EPHB4: variants seen among roughly 807,000 people sequenced by gnomAD.
EPHB4 encodes ephrin type-B receptor 4.
Under a neutral mutation model 110.6 loss-of-function variants are expected in EPHB4, and 50 were observed. That is an observed-to-expected ratio of 0.45 (90% CI 0.36 to 0.57). The LOEUF (loss-of-function observed/expected upper bound fraction) is 0.57, where lower values mean the gene tolerates loss of function less well. Among genes scored for constraint, EPHB4 ranks in the 20% least tolerant of loss-of-function variants. EPHB4 has a pLI of 0.00. For synonymous variants in EPHB4, 592 were observed against 578.4 expected, an observed-to-expected ratio of 1.02 and a Z score of -0.34; for missense variants, 1,128 against 1,382.1, an observed-to-expected ratio of 0.82 and a Z score of 2.91.
Position 100,827,167 on chromosome 7 carries a change from G to T in EPHB4, c.-137C>A. 1 of 848,130 alleles carries T rather than the reference G, an allele frequency of 1.2e-6. No individual in the cohort carries two copies. Among genetic ancestry groups the T allele is most frequent in the Non-Finnish European group, 1.6e-6 (1 of 607,174 alleles). The allele number at this position is 848,130 out of a possible 1,614,324, so 52.5% of individuals were successfully genotyped here. On this transcript the variant is annotated 5_prime_UTR_variant, in exon 1 of 17. Transcript: ENST00000358173. Reference sequence around the variant, plus strand: ...CGGGGCCCTCAGCGCGGGCCCATGCGAGCGTGCGGGGCACCGGGCGGCGGC... The same window carrying T: ...CGGGGCCCTCAGCGCGGGCCCATGCTAGCGTGCGGGGCACCGGGCGGCGGC...
Position 100,812,841 on chromosome 7 carries a change from T to C in EPHB4, c.2024A>G (p.Asn675Ser), listed in dbSNP as rs148505212. Residue 675 changes from asparagine (N) to serine (S), a missense_variant, in exon 12 of 17, where the codon AAT becomes AGT. This residue lies in a region of EPHB4 where 191 missense variants were observed against 313.0 expected (regional missense o/e 0.61). Transcript: ENST00000358173. The stretch of plus-strand genomic sequence containing the variant: ...GACCACGCCCTCCAGGCGGATGATA[T>C]TGGGGTGCTCGAACTGGCCCATGAT... ...ASIMGQFEHP[N>S]IIRLEGVVTN... 8 of 1,614,120 alleles carry C rather than the reference T, an allele frequency of 5.0e-6. No homozygotes were observed. The African/African-American group carries it at 6.7e-5, about 13-fold the overall frequency.
chr7:100,814,056 G>C, intron 8 of EPHB4, 35 bp from the exon 9 acceptor site: 1 of 1,610,264 alleles, frequency 6.2e-7, no homozygotes, highest in Non-Finnish European at 8.5e-7. Flanking sequence ...AGGAGAAACT[G>C]ATGGTCCTGT....
Position 100,822,326 on chromosome 7 carries a change from C to A in EPHB4, c.753G>T (p.Thr251=). The change falls in exon 4 of 17, where the codon ACG becomes ACT. Residue 251 remains threonine (T), a synonymous_variant. Transcript: ENST00000358173. The surrounding 1 kb of genome is among the most constrained non-coding windows in gnomAD (Gnocchi z 4.7). ...EDGQWAEQPV[T]GCSCAPGFEA... Reference sequence around the variant, plus strand: ...CGAACCCCGGAGCACAGCTGCAGCCCGTGACCGGCTGTTCGGCCCACTGGC... The same window carrying A: ...CGAACCCCGGAGCACAGCTGCAGCCAGTGACCGGCTGTTCGGCCCACTGGC... 6.4e-7 allele frequency: 1 copy of A among 1,567,544 alleles called. No individual in the cohort carries two copies. Among genetic ancestry groups the A allele is most frequent in the East Asian group, 2.4e-5 (1 of 42,068 alleles).
chr7:100,814,469 G>A (rs1813020121), intron 8 of EPHB4, among the ~76,000 whole-genome samples: 1 of 152,090 alleles, frequency 6.6e-6, no homozygotes, highest in South Asian at 2.1e-4. Flanking sequence ...GTAGAGATGG[G>A]CTTTCACCAG....
At position 100,822,335 on chromosome 7, in the gene EPHB4, C is replaced by G. The variant is rs1813255679; in HGVS notation, c.744G>C (p.Gln248His). The G allele has an allele frequency of 6.4e-7, 1 of 1,567,684 alleles. No individual in the cohort carries two copies. Among genetic ancestry groups the G allele is most frequent in the Non-Finnish European group, 8.7e-7 (1 of 1,155,184 alleles). Residue 248 changes from glutamine to histidine, a missense_variant, in exon 4 of 17, where the codon CAG (glutamine) becomes CAC (histidine). Gln to His is a conservative substitution (Grantham distance 24, BLOSUM62 0). Transcript: ENST00000358173. This position sits in a 1 kb window ranked among gnomAD's most constrained non-coding sequence, Gnocchi z 4.7. ...GAGCACAGCTGCAGCCCGTGACCGG[C>G]TGTTCGGCCCACTGGCCATCCTCAC... The part of the protein sequence containing the change: ...YCREDGQWAE[Q>H]PVTGCSCAPG...
At chr7:100,805,774 G>C in intron 14 of EPHB4, 80 bp from the exon 15 acceptor site, 1 of 1,336,220 alleles carries the variant, frequency 7.5e-7, no homozygotes, top group Middle Eastern at 2.2e-4. Flanking sequence ...ATGGTGACTT[G>C]GAAGATGGTA....
At position 100,808,695 on chromosome 7, in the gene EPHB4, C is replaced by T. The variant is rs564452150; in HGVS notation, c.2119-1115G>A. Among the ~76,000 whole-genome samples, 12 of 152,306 alleles carry T rather than the reference C, an allele frequency of 7.9e-5. No individual in the cohort carries two copies. In the South Asian group the frequency reaches 2.5e-3, roughly 32 times the overall value. ...AACCTTGACCTTTAAAGAGTTTGCT[C>T]TCACCAGGGAAACCAACAAGTCACA... On this transcript the variant is annotated intron_variant, in intron 12 of 16. Coordinates refer to ENST00000358173, the MANE Select transcript of EPHB4 (RefSeq NM_004444.5).
At chr7:100,812,256 A>T (rs1216604150) in intron 12 of EPHB4, among the ~76,000 whole-genome samples, 1 of 151,778 alleles carries the variant, frequency 6.6e-6, no homozygotes, top group African/African-American at 2.4e-5. Context: ...GTGGGAAAGG[A>T]AGGTCCCAGG....
chr7:100,804,076 TG>T (rs1812759563), intron 16 of EPHB4, among the ~76,000 whole-genome samples: 1 of 152,136 alleles, frequency 6.6e-6, no homozygotes, highest in Admixed American at 6.5e-5. Context: ...CCAGGCCCCG[TG>T]GGGCAGGGGC....
chr7:100,823,820 G>C lies in EPHB4; in HGVS notation c.235C>G (p.Pro79Ala), dbSNP rs1292691541. 1 of 1,613,340 alleles carries C rather than the reference G, an allele frequency of 6.2e-7. No individual in the cohort carries two copies. Among genetic ancestry groups the C allele is most frequent in the Admixed American group, 1.7e-5 (1 of 60,006 alleles). ...QAHWLRTGWV[P>A]RRGAVHVYAT... ...TACACGTGGACGGCGCCCCGCCGTG[G>C]GACCCAACCTGTGCGAAGCCAGTGG... Residue 79 changes from proline (P) to alanine (A), a missense_variant, in exon 3 of 17, where the codon CCA becomes GCA. Pro to Ala is a conservative substitution (Grantham distance 27). This residue lies in a region of EPHB4 where 728 missense variants were observed against 828.6 expected (regional missense o/e 0.88). Coordinates refer to ENST00000358173, the MANE Select transcript of EPHB4 (RefSeq NM_004444.5).
chr7:100,824,106 C>T (rs1370527346), intron 2 of EPHB4, 97 bp downstream of exon 2: 2 of 1,567,824 alleles, frequency 1.3e-6, no homozygotes, highest in East Asian at 2.2e-5. Context: ...TCTGGGGGGA[C>T]AGGGGAGAGG....
At position 100,813,228 on chromosome 7, in the gene EPHB4, C is replaced by T. The variant is rs760724806; in HGVS notation, c.1757-20G>A. On this transcript the variant is annotated intron_variant, in intron 10 of 16. Coordinates refer to ENST00000358173, the MANE Select transcript of EPHB4 (RefSeq NM_004444.5). ...TAGTACCTGAGAAATCAGGCAGGGCCCCGTCAGCTGGGAATTAACTCCCAC... is the reference window on the plus strand; with the variant it reads ...TAGTACCTGAGAAATCAGGCAGGGCTCCGTCAGCTGGGAATTAACTCCCAC... 1 of 1,591,534 alleles carries T rather than the reference C, an allele frequency of 6.3e-7. No individual in the cohort carries two copies. Among genetic ancestry groups the T allele is most frequent in the Non-Finnish European group, 8.5e-7 (1 of 1,172,844 alleles).
Position 100,827,021 on chromosome 7 carries a change from G to A in EPHB4, c.10C>T (p.Arg4Trp), listed in dbSNP as rs781356999. The A allele has an allele frequency of 1.9e-6, 3 of 1,583,668 alleles. No homozygotes were observed. Among genetic ancestry groups the A allele is most frequent in the East Asian group, 4.7e-5 (2 of 42,460 alleles). Reference protein sequence around the residue: MELRVLLCWASLAA... With the variant: MELWVLLCWASLAA... ...AACGAAGCCCAGCAGAGCAGCACCC[G>A]GAGCTCCATGGCGCCGCCTCACTCG... The change falls in exon 1 of 17, where the codon CGG (arginine) becomes TGG (tryptophan). Residue 4 changes from arginine to tryptophan, a missense_variant. Arg to Trp is a moderately radical substitution (Grantham distance 101). Coordinates refer to ENST00000358173, the MANE Select transcript of EPHB4 (RefSeq NM_004444.5).
Position 100,818,569 on chromosome 7 carries a change from C to G in EPHB4, c.1373G>C (p.Arg458Pro). Residue 458 changes from arginine (R) to proline (P), a missense_variant, in exon 7 of 17, where the codon CGG (arginine) becomes CCG (proline). Arg to Pro is a moderately radical substitution (Grantham distance 103). Coordinates refer to ENST00000358173, the MANE Select transcript of EPHB4 (RefSeq NM_004444.5). ...SSLSLAWAVP[R>P]APSGAVLDYE... ...GTCCAGCACAGCCCCACTGGGTGCC[C>G]GGGGAACAGCCCAGGCCAGGCTCAA... is the stretch of plus-strand genomic sequence containing the variant. The G allele has an allele frequency of 1.2e-6, 2 of 1,613,878 alleles. No homozygotes were observed. The highest frequency in any genetic ancestry group is 1.7e-6 in the Non-Finnish European group (2 of 1,180,012).
intron 16 of EPHB4, 140 bp downstream of exon 16, chr7:100,805,026 C>T: frequency 8.4e-7 from 1 of 1,191,464 alleles, no homozygotes; most frequent in Non-Finnish European, 1.1e-6. Context: ...CTCTGGGGCC[C>T]TTCTAGGCAT....
rs2116435260 is a variant in EPHB4, at chr7:100,814,001, G to C, written c.1609C>G (p.Gln537Glu). 1 of 1,614,108 alleles carries C rather than the reference G, an allele frequency of 6.2e-7. No homozygotes were observed. Among genetic ancestry groups the C allele is most frequent in the East Asian group, 2.2e-5 (1 of 44,870 alleles). Residue 537 changes from glutamine to glutamate, a missense_variant, in exon 9 of 17, where the codon CAG (glutamine) becomes GAG (glutamate). Coordinates refer to ENST00000358173, the MANE Select transcript of EPHB4 (RefSeq NM_004444.5). ...QLDESEGWRE[Q>E]LALIAGTAVV... ...GCCGTGCCCGCAATCAGGGCCAGCTGCTCCCGCCAGCCCTCGCTCTCTGCG... is the reference window on the plus strand; with the variant it reads ...GCCGTGCCCGCAATCAGGGCCAGCTCCTCCCGCCAGCCCTCGCTCTCTGCG...
chr7:100,818,142 C>T (rs531302677), intron 7 of EPHB4, among the ~76,000 whole-genome samples: 4 of 152,188 alleles, frequency 2.6e-5, no homozygotes, highest in African/African-American at 9.6e-5. Flanking sequence ...GCTGGGATTA[C>T]AGGCGTAAGC....
intron 16 of EPHB4, 121 bp from the exon 17 acceptor site, chr7:100,803,711 G>T: frequency 7.8e-7 from 1 of 1,283,890 alleles, no homozygotes; most frequent in Non-Finnish European, 1.0e-6. Context: ...CAGCGGGGGA[G>T]GGAGAACAGA....
chr7:100,822,595 T>C lies in EPHB4; in HGVS notation c.484A>G (p.Lys162Glu). 1 of 1,610,400 alleles carries C rather than the reference T, an allele frequency of 6.2e-7. No homozygotes were observed. The highest frequency in any genetic ancestry group is 1.1e-5 in the South Asian group (1 of 90,820). ...GAEATGKVNV[K>E]TLRLGPLSKA... is the part of the protein sequence containing the mutation. ...CTGAGCGGTCCCAGACGCAGCGTCT[T>C]GACATTCACCTTCCCGGTGGCCTCG... Residue 162 changes from lysine to glutamate, a missense_variant, in exon 4 of 17, where the codon AAG becomes GAG. Coordinates refer to ENST00000358173, the MANE Select transcript of EPHB4 (RefSeq NM_004444.5). This position sits in a 1 kb window ranked among gnomAD's most constrained non-coding sequence, Gnocchi z 4.7.
Sources: allele counts gnomAD v4.1 joint callset (sites outside exome capture counted in the v4.1 genomes callset), GRCh38; gene constraint gnomAD v4.1.1; regional missense constraint gnomAD v4.1.1; non-coding constraint Gnocchi (gnomAD v3.1); transcripts MANE v1.5; gene names NCBI Gene and HGNC (gene_info 2026-07-23, HGNC 2026-07-21).